The following TNKS2 variants were observed in gnomAD, a reference collection of about 807,000 sequenced individuals.
TNKS2 encodes poly [ADP-ribose] polymerase tankyrase-2.
A neutral mutation model predicts 137.6 loss-of-function variants in TNKS2; 72 were observed. That is an observed-to-expected ratio of 0.52 (90% confidence interval 0.43 to 0.64). The LOEUF (loss-of-function observed/expected upper bound fraction) is 0.64, where lower values mean the gene tolerates loss of function less well. Ranked by LOEUF, TNKS2 falls within the 30% of genes least tolerant of loss-of-function variation. The pLI, the probability that TNKS2 is intolerant of heterozygous loss-of-function variation, is 0.00. For synonymous variants in TNKS2, 516 were observed against 512.1 expected (o/e 1.01, Z -0.10); for missense variants, 1,049 against 1,410.2 (o/e 0.74, Z 4.10).
In TNKS2 at chr10:91,840,639, T is replaced by C; in HGVS notation, c.1606T>C (p.Tyr536His). The C allele has an allele frequency of 6.2e-7, 1 of 1,614,118 alleles. No homozygotes were observed. The highest frequency in any genetic ancestry group is 8.5e-7 in the Non-Finnish European group (1 of 1,179,984). ...QSTPLHFAAG[Y>H]NRVSVVEYLL... ...TACACCACTTCATTTTGCAGCTGGG[T>C]ATAACAGAGTGTCCGTGGTGGAATA... The change falls in exon 14 of 27, where the codon TAT becomes CAT. Residue 536 changes from tyrosine to histidine, a missense_variant. Tyr to His is a moderately conservative substitution (Grantham distance 83). Coordinates refer to ENST00000371627, the MANE Select transcript of TNKS2 (RefSeq NM_025235.4).
intron 4 of TNKS2, 54 bp downstream of exon 4, chr10:91,819,360 C>CTTTTT: frequency 4.3e-6 from 5 of 1,160,304 alleles, no homozygotes; most frequent in South Asian, 4.2e-5. Flanking sequence ...TTAACTTTTT[C>CTTTTT]TTTTTTTTTT....
chr10:91,842,763 T>C (rs1451579977), intron 16 of TNKS2, among the ~76,000 whole-genome samples: 2 of 133,740 alleles, frequency 1.5e-5, no homozygotes, highest in African/African-American at 5.2e-5. Context: ...AGACCCTGTC[T>C]CAAAAAATAA....
chr10:91,861,889 ATAAG>A, intron 25 of TNKS2, 106 bp from the exon 26 acceptor site: 1 of 938,734 alleles, frequency 1.1e-6, no homozygotes, highest in Non-Finnish European at 1.5e-6. Context: ...AAAAACAATT[ATAAG>A]TATTTATGTA....
chr10:91,842,436 AT>A (rs1842237718), intron 16 of TNKS2, 45 bp downstream of exon 16: 3 of 1,554,858 alleles, frequency 1.9e-6, no homozygotes, highest in Non-Finnish European at 2.7e-6. Context: ...AATATCTGAG[AT>A]TCATTTTACC....
intron 18 of TNKS2, among the ~76,000 whole-genome samples, chr10:91,846,452 T>C (rs1257234956): frequency 6.6e-6 from 1 of 152,238 alleles, no homozygotes; most frequent in East Asian, 1.9e-4. Context: ...TCCACTTTCC[T>C]GTGGAGGTCC....
At position 91,831,189 on chromosome 10, in the gene TNKS2, TC is replaced by T; in HGVS notation, c.1275+10del. 1 of 1,611,708 alleles carries T rather than the reference TC, an allele frequency of 6.2e-7. No homozygotes were observed. Among genetic ancestry groups the T allele is most frequent in the Non-Finnish European group, 8.5e-7 (1 of 1,178,134 alleles). On this transcript the variant is annotated intron_variant, in intron 11 of 26. Coordinates refer to ENST00000371627, the MANE Select transcript of TNKS2 (RefSeq NM_025235.4). Reference sequence around the variant, plus strand: ...GTGAAACATGAAGCAAAGGTATACTTCCTTTTTGGTAATCTTTGGTAATCCA... The same window carrying T: ...GTGAAACATGAAGCAAAGGTATACTTCTTTTTGGTAATCTTTGGTAATCCA...
In TNKS2 at chr10:91,812,977, A is replaced by C. The variant is rs1376487062; in HGVS notation, c.200-6A>C. 6.2e-7 allele frequency: 1 copy of C among 1,613,758 alleles called. No homozygotes were observed. Among genetic ancestry groups the C allele is most frequent in the Non-Finnish European group, 8.5e-7 (1 of 1,179,786 alleles). On this transcript the variant is annotated splice_polypyrimidine_tract_variant and splice_region_variant and intron_variant, in intron 1 of 26. Coordinates refer to ENST00000371627, the MANE Select transcript of TNKS2 (RefSeq NM_025235.4). The stretch of plus-strand genomic sequence containing the variant: ...ACTTACGTGTGGACAATTTGTTTTC[A>C]TCTAGGTTTTGGGCGGAAAGACGTA...
chr10:91,816,058 A>G (rs7901710), intron 2 of TNKS2, among the ~76,000 whole-genome samples: 2 of 150,040 alleles, frequency 1.3e-5, no homozygotes, highest in Admixed American at 6.7e-5. Flanking sequence ...ACGCCATTCT[A>G]CTGCCTCAGC....
In TNKS2 at chr10:91,822,319, C is replaced by G; in HGVS notation, c.752C>G (p.Ala251Gly). The G allele has an allele frequency of 6.2e-7, 1 of 1,613,482 alleles. No individual in the cohort carries two copies. The highest frequency in any genetic ancestry group is 8.5e-7 in the Non-Finnish European group (1 of 1,179,704). ...AGTGATCTGGTACCATTACACAATG[C>G]CTGTTCTTATGGTCATTATGAAGTA... ...DKGDLVPLHN[A>G]CSYGHYEVTE... The change falls in exon 7 of 27, where the codon GCC (alanine) becomes GGC (glycine). Residue 251 changes from alanine to glycine, a missense_variant. Transcript: ENST00000371627.
intron 13 of TNKS2, among the ~76,000 whole-genome samples, chr10:91,839,197 C>T (rs137922567): frequency 6.6e-4 from 101 of 152,134 alleles, no homozygotes; most frequent in South Asian, 1.5e-3. Flanking sequence ...ACTCTTTAAG[C>T]ACTCTGATTT....
Position 91,807,855 on chromosome 10 carries a change from G to T in TNKS2, c.200-5128G>T, listed in dbSNP as rs1299637871. On this transcript the variant is annotated intron_variant, in intron 1 of 26. Coordinates refer to ENST00000371627, the MANE Select transcript of TNKS2 (RefSeq NM_025235.4). ...TAAAAATACAAAAAAAATTAGCCAG[G>T]CGTGGTGGCGGGCACCTGTAGCCCC... is the stretch of plus-strand genomic sequence containing the variant. Among the ~76,000 whole-genome samples the T allele has an allele frequency of 2.6e-5, 4 of 152,186 alleles. No homozygotes were observed. The East Asian group carries it at 5.8e-4, about 22-fold the overall frequency.
chr10:91,812,091 A>C (rs936333548), intron 1 of TNKS2, among the ~76,000 whole-genome samples: 1 of 152,062 alleles, frequency 6.6e-6, no homozygotes, highest in Non-Finnish European at 1.5e-5. Flanking sequence ...GAACGGAGAA[A>C]ATTTCAGAAG....
intron 13 of TNKS2, among the ~76,000 whole-genome samples, chr10:91,838,702 T>C (rs1230837612): frequency 1.3e-5 from 2 of 152,210 alleles, no homozygotes; most frequent in East Asian, 3.9e-4. Context: ...CCAGATCTTA[T>C]TTGGGAAGCA....
intron 23 of TNKS2, 63 bp from the exon 24 acceptor site, chr10:91,857,361 GT>G: frequency 4.4e-6 from 5 of 1,146,746 alleles, no homozygotes; most frequent in Non-Finnish European, 6.3e-6. Context: ...CCCATGTTTG[GT>G]TTAGATGAAG....
intron 15 of TNKS2, 102 bp from the exon 16 acceptor site, chr10:91,842,070 A>C (rs1443038634): frequency 1.6e-6 from 1 of 638,530 alleles, no homozygotes; most frequent in Non-Finnish European, 2.7e-6. Context: ...TCTCAATATA[A>C]ATTTAGTTTT....
intron 7 of TNKS2, among the ~76,000 whole-genome samples, chr10:91,823,061 A>AAT (rs893574418): frequency 3.3e-5 from 5 of 151,710 alleles, no homozygotes; most frequent in African/African-American, 1.2e-4. Flanking sequence ...AAAAAAAAAA[A>AAT]AAATAATGTA....
At chr10:91,812,075 A>G (rs1424162018) in intron 1 of TNKS2, among the ~76,000 whole-genome samples, 1 of 145,282 alleles carries the variant, frequency 6.9e-6, no homozygotes, top group Non-Finnish European at 1.5e-5. Flanking sequence ...AAAAAAAAAA[A>G]GAATAGAACG....
At chr10:91,819,644 T>C in intron 5 of TNKS2, 87 bp downstream of exon 5, 1 of 1,095,382 alleles carries the variant, frequency 9.1e-7, no homozygotes, top group Non-Finnish European at 1.3e-6. Flanking sequence ...TTGAAACATA[T>C]TTGAAGAGAG....
In TNKS2 at chr10:91,840,635, T is replaced by A; in HGVS notation, c.1602T>A (p.Ala534=). The part of the protein sequence containing the change: ...GRQSTPLHFA[A]GYNRVSVVEY... ...AGTCTACACCACTTCATTTTGCAGC[T>A]GGGTATAACAGAGTGTCCGTGGTGG... is the stretch of plus-strand genomic sequence containing the variant. Residue 534 remains alanine, a synonymous_variant, in exon 14 of 27, where the codon GCT becomes GCA. Coordinates refer to ENST00000371627, the MANE Select transcript of TNKS2 (RefSeq NM_025235.4). The A allele has an allele frequency of 6.2e-7, 1 of 1,614,152 alleles. No homozygotes were observed. The highest frequency in any genetic ancestry group is 8.5e-7 in the Non-Finnish European group (1 of 1,180,014).
Sources: gnomAD v4.1 joint callset for allele counts (sites outside exome capture counted in the v4.1 genomes callset) on GRCh38, gnomAD v4.1.1 for gene constraint, MANE v1.5 for transcripts, NCBI Gene and HGNC (gene_info 2026-07-23, HGNC 2026-07-21) for gene names.